Variants in PPFIA3 observed in about 807,000 individuals in gnomAD.
PPFIA3 encodes the protein PPFI scaffold protein A3.
Under a neutral mutation model 145.8 loss-of-function variants are expected in PPFIA3, and 26 were observed. The observed-to-expected ratio is 0.18, with a 90% CI of 0.13 to 0.25. PPFIA3 has a LOEUF of 0.25. PPFIA3 is among the 10% of genes least tolerant of loss of function. The pLI is 1.00. For missense variants in PPFIA3, 1,008 were observed against 1,587.8 expected (o/e 0.63, Z 6.21); for synonymous variants, 645 against 661.4 (o/e 0.98, Z 0.38).
chr19:49,137,629 A>C (rs796341720), intron 15 of PPFIA3, among the ~76,000 whole-genome samples: 323 of 26,292 alleles, frequency 0.012, 6 homozygotes, highest in African/African-American at 0.077. Context: ...ACTCCGTGTC[A>C]AAAAAAAAAA....
intron 15 of PPFIA3, 183 bp downstream of exon 15, chr19:49,137,094 G>C (rs547696316): frequency 1.9e-6 from 1 of 519,634 alleles, no homozygotes; most frequent in Non-Finnish European, 3.3e-6. Context: ...AGTCTTCTAT[G>C]TGCTACCTAC....
At chr19:49,142,221 G>T in intron 20 of PPFIA3, 106 bp downstream of exon 20, 1 of 1,102,038 alleles carries the variant, frequency 9.1e-7, no homozygotes, top group Middle Eastern at 2.9e-4. Context: ...CTAGCCCAGA[G>T]GTGGGGGTGG....
Position 49,120,573 on chromosome 19 carries a change from C to A in PPFIA3, c.-16+851C>A, listed in dbSNP as rs576051308. On this transcript the variant is annotated intron_variant, in intron 1 of 29. Transcript: ENST00000334186. The surrounding 1 kb of genome is among the most constrained non-coding windows in gnomAD (Gnocchi z 4.6). ...CGTCAGCACCTAGGAATCCTGTTCC[C>A]CAGCGTTTGCTCTGCTTAGAACCCC... Among the ~76,000 whole-genome samples the A allele has an allele frequency of 6.4e-4, 98 of 152,260 alleles. 1 individual carries two copies. Among genetic ancestry groups the A allele is most frequent in the African/African-American group, 2.2e-3 (92 of 41,542 alleles).
chr19:49,122,411 C>T (rs934201404), intron 1 of PPFIA3, among the ~76,000 whole-genome samples: 1 of 152,050 alleles, frequency 6.6e-6, no homozygotes, highest in East Asian at 1.9e-4. Context: ...TAGATAAGAC[C>T]CCTGAGCCAG....
At chr19:49,138,739 G>T (rs1197737849) in intron 16 of PPFIA3, among the ~76,000 whole-genome samples, 1 of 152,206 alleles carries the variant, frequency 6.6e-6, no homozygotes, top group African/African-American at 2.4e-5. Context: ...GGAGGCCAAG[G>T]TGGGCAGATC....
chr19:49,132,089 G>A (rs1438768761), intron 7 of PPFIA3, among the ~76,000 whole-genome samples: 4 of 149,504 alleles, frequency 2.7e-5, no homozygotes, highest in African/African-American at 4.9e-5. Context: ...GCCGAGATCC[G>A]TACCACTGCA....
intron 1 of PPFIA3, among the ~76,000 whole-genome samples, chr19:49,119,972 C>G (rs1045425851): frequency 1.3e-5 from 2 of 151,982 alleles, no homozygotes; most frequent in Non-Finnish European, 2.9e-5. Flanking sequence ...ATTTCCCGGT[C>G]CGGCCCCGGG....
chr19:49,123,251 C>T (rs982883243), intron 1 of PPFIA3, among the ~76,000 whole-genome samples: 30 of 150,198 alleles, frequency 2.0e-4, no homozygotes, highest in African/African-American at 6.9e-4. Flanking sequence ...AGGCTGGTCT[C>T]GAACTCCTGA....
At chr19:49,138,668 T>C (rs2041171536) in intron 16 of PPFIA3, among the ~76,000 whole-genome samples, 2 of 151,386 alleles carry the variant, frequency 1.3e-5, no homozygotes, top group Admixed American at 1.3e-4. Flanking sequence ...AGTTTCTGCA[T>C]AGGATTTTAA....
Position 49,138,219 on chromosome 19 carries a change from A to T in PPFIA3, c.1868A>T (p.Glu623Val). 6 of 1,596,956 alleles carry T rather than the reference A, an allele frequency of 3.8e-6. No individual in the cohort carries two copies. The highest frequency in any genetic ancestry group is 5.1e-6 in the Non-Finnish European group (6 of 1,167,242). ...INKEIKLIQE[E>V]KETTEQRAEE... is the part of the protein sequence containing the mutation. The stretch of plus-strand genomic sequence containing the variant: ...TCCCTCCTCAGGCTGATCCAAGAGG[A>T]GAAGGAGACAACAGAACAGAGGGCA... Residue 623 changes from glutamate (E) to valine (V), a missense_variant, in exon 16 of 30, where the codon GAG becomes GTG. Physicochemically the swap from Glu to Val is moderately radical, Grantham distance 121. Coordinates refer to ENST00000334186, the MANE Select transcript of PPFIA3 (RefSeq NM_003660.4).
In PPFIA3 at chr19:49,128,646, C is replaced by T. The variant is rs970651647; in HGVS notation, c.342+178C>T. The T allele has an allele frequency of 2.7e-6, 2 of 743,042 alleles. No individual in the cohort carries two copies. The highest frequency in any genetic ancestry group is 4.4e-6 in the Non-Finnish European group (2 of 458,992). The allele number at this position is 743,042 out of a possible 1,614,324, so 46.0% of individuals were successfully genotyped here. A position where few individuals can be genotyped will look rare whatever the true frequency, so the allele number is the denominator to read the frequency against. On this transcript the variant is annotated intron_variant, in intron 3 of 29. Coordinates refer to ENST00000334186, the MANE Select transcript of PPFIA3 (RefSeq NM_003660.4). The surrounding 1 kb of genome is among the most constrained non-coding windows in gnomAD (Gnocchi z 4.1). The stretch of plus-strand genomic sequence containing the variant: ...GTCTCCCACTCTGGTGCCACTCCTT[C>T]CTCCCTGTCTCCATAACTTTTCTCT...
chr19:49,149,331 C>G lies in PPFIA3; in HGVS notation c.3354+6C>G, dbSNP rs2041315254. 1 of 1,613,800 alleles carries G rather than the reference C, an allele frequency of 6.2e-7. No individual in the cohort carries two copies. ...CAGACAGGCGGCTGGACGAGGTGGGCGCGGCAACAGCTCAGAGGGCTCTGC... is the reference window on the plus strand; with the variant it reads ...CAGACAGGCGGCTGGACGAGGTGGGGGCGGCAACAGCTCAGAGGGCTCTGC... On this transcript the variant is annotated splice_donor_region_variant and intron_variant, in intron 27 of 29. Coordinates refer to ENST00000334186, the MANE Select transcript of PPFIA3 (RefSeq NM_003660.4). This position sits in a 1 kb window ranked among gnomAD's most constrained non-coding sequence, Gnocchi z 5.7.
Position 49,149,427 on chromosome 19 carries a change from G to A in PPFIA3, c.3354+102G>A. On this transcript the variant is annotated intron_variant, in intron 27 of 29. Transcript: ENST00000334186. The surrounding 1 kb of genome is among the most constrained non-coding windows in gnomAD (Gnocchi z 5.7). ...CTATTAATGGTCACGGTTGGAGGCG[G>A]GGCCAGGAGAGGGGCGGGGTTAAAG... 1 of 1,586,800 alleles carries A rather than the reference G, an allele frequency of 6.3e-7. No homozygotes were observed. The highest frequency in any genetic ancestry group is 2.2e-5 in the East Asian group (1 of 44,636).
chr19:49,144,969 C>T (rs1430352515), intron 21 of PPFIA3, among the ~76,000 whole-genome samples: 3 of 139,828 alleles, frequency 2.1e-5, no homozygotes, highest in African/African-American at 5.4e-5. Flanking sequence ...TTCACTCTGT[C>T]GCCCAGGCTG....
At chr19:49,119,897 C>G (rs1307085873) in intron 1 of PPFIA3, among the ~76,000 whole-genome samples, 175 bp downstream of exon 1, 1 of 151,914 alleles carries the variant, frequency 6.6e-6, no homozygotes, top group African/African-American at 2.4e-5. Context: ...CCAGAGTCCC[C>G]GACCGAACCC....
chr19:49,141,935 G>C (rs1474003437), intron 19 of PPFIA3, 99 bp from the exon 20 acceptor site: 5 of 781,698 alleles, frequency 6.4e-6, no homozygotes, highest in Non-Finnish European at 9.7e-6. Flanking sequence ...GTGCGTATGT[G>C]CATGTGTGTG....
At chr19:49,144,155 C>T (rs923789934) in intron 21 of PPFIA3, among the ~76,000 whole-genome samples, 1 of 151,986 alleles carries the variant, frequency 6.6e-6, no homozygotes, top group Non-Finnish European at 1.5e-5. Flanking sequence ...GGATTATAGG[C>T]GCCCACCACC....
chr19:49,134,588 C>G (rs559801195), intron 11 of PPFIA3, 51 bp from the exon 12 acceptor site: 1 of 1,553,410 alleles, frequency 6.4e-7, no homozygotes, highest in Admixed American at 1.7e-5. Flanking sequence ...TGCAGCCCCA[C>G]GGGCGTGGCC....
At chr19:49,134,307 G>T in intron 11 of PPFIA3, 142 bp downstream of exon 11, 1 of 1,191,118 alleles carries the variant, frequency 8.4e-7, no homozygotes, top group Non-Finnish European at 1.2e-6. Context: ...AGCCTTCTCT[G>T]CTCTATTGCC....
Sources: gnomAD v4.1 joint callset for allele counts (sites outside exome capture counted in the v4.1 genomes callset) on GRCh38, gnomAD v4.1.1 for gene constraint, Gnocchi (gnomAD v3.1) non-coding constraint, MANE v1.5 for transcripts, NCBI Gene and HGNC (gene_info 2026-07-23, HGNC 2026-07-21) for gene names.